HIF3A: variants seen among roughly 807,000 people sequenced by gnomAD.
HIF3A encodes the protein hypoxia inducible factor 3 subunit alpha.
Under a neutral mutation model 67.2 loss-of-function variants are expected in HIF3A, and 41 were observed. The observed-to-expected ratio is 0.61, with a 90% CI of 0.48 to 0.79. The LOEUF is 0.79. HIF3A is among the 30% of genes least tolerant of loss of function. The pLI is 0.00. For missense variants in HIF3A, 855 were observed against 898.0 expected (o/e 0.95, Z 0.61); for synonymous variants, 356 against 374.8 (o/e 0.95, Z 0.58).
intron 13 of HIF3A, 150 bp from the exon 14 acceptor site, chr19:46,334,755 C>A: frequency 1.8e-6 from 1 of 550,314 alleles, no homozygotes. Context: ...CTATCTTGCC[C>A]AGGCTGGTCT....
At position 46,332,259 on chromosome 19, in the gene HIF3A, C is replaced by T. The variant is rs186992348; in HGVS notation, c.1830+986C>T. On this transcript the variant is annotated intron_variant, in intron 13 of 14. Coordinates refer to ENST00000377670, the MANE Select transcript of HIF3A (RefSeq NM_152795.4). ...TACAAAAACAAACCAAAGGGCCGGG[C>T]GCTGTGGCTCACGCCTATATTCCTA... Among the ~76,000 whole-genome samples the T allele has an allele frequency of 1.8e-3, 271 of 152,152 alleles. 1 individual carries two copies. The highest frequency in any genetic ancestry group is 5.8e-3 in the African/African-American group (239 of 41,514).
intron 1 of HIF3A, among the ~76,000 whole-genome samples, chr19:46,298,976 C>T (rs1968097625): frequency 6.6e-6 from 1 of 152,240 alleles, no homozygotes; most frequent in African/African-American, 2.4e-5. Flanking sequence ...TTTTATTATG[C>T]CTTCCTCATG....
In HIF3A at chr19:46,297,706, G is replaced by A. The variant is rs1967969095; in HGVS notation, c.26+604G>A. Among the ~76,000 whole-genome samples, 1 of 152,000 alleles carries A rather than the reference G, an allele frequency of 6.6e-6. No homozygotes were observed. The highest frequency in any genetic ancestry group is 2.1e-4 in the South Asian group (1 of 4,828). ...AATGGGCAGAGGGGAGCCCCTTTCA[G>A]AAGCCGTCTGGGACCCTTCCCAAGA... On this transcript the variant is annotated intron_variant, in intron 1 of 14. Coordinates refer to ENST00000377670, the MANE Select transcript of HIF3A (RefSeq NM_152795.4). This position sits in a 1 kb window ranked among gnomAD's most constrained non-coding sequence, Gnocchi z 4.5.
intron 1 of HIF3A, among the ~76,000 whole-genome samples, chr19:46,300,159 G>C (rs1289976272): frequency 2.6e-5 from 4 of 152,140 alleles, no homozygotes; most frequent in Non-Finnish European, 4.4e-5. Flanking sequence ...CTCTAGCTCC[G>C]TGAGTGTTCA....
At chr19:46,327,461 GC>G (rs1970873762) in intron 11 of HIF3A, among the ~76,000 whole-genome samples, 2 of 152,002 alleles carry the variant, frequency 1.3e-5, no homozygotes, top group Admixed American at 6.6e-5. Context: ...GACTACAGGT[GC>G]CCACTACCAT....
intron 1 of HIF3A, among the ~76,000 whole-genome samples, chr19:46,300,627 C>T (rs997118950): frequency 6.6e-6 from 1 of 152,214 alleles, no homozygotes; most frequent in African/African-American, 2.4e-5. Context: ...AGCCACTGCA[C>T]TCCAGCCTGG....
intron 6 of HIF3A, among the ~76,000 whole-genome samples, chr19:46,311,652 G>A (rs921939401): frequency 6.6e-6 from 1 of 151,992 alleles, no homozygotes; most frequent in African/African-American, 2.4e-5. Context: ...ATTGAGCCTG[G>A]GAGTTCAAGA....
At chr19:46,331,416 C>G (rs1267982566) in intron 13 of HIF3A, 143 bp downstream of exon 13, 1 of 533,436 alleles carries the variant, frequency 1.9e-6, no homozygotes, top group Non-Finnish European at 3.5e-6. Context: ...AGACTAAAGC[C>G]TGATCTTCTA....
rs755711006 is a variant in HIF3A at position 46,305,176 on chromosome 19, C to A, written c.218-69C>A. 1.9e-5 allele frequency: 31 copies of A among 1,608,504 alleles called. No individual in the cohort carries two copies. The Admixed American group carries it at 5.2e-4, about 27-fold the overall frequency. ...TGAGGAAAGGCAGAGGGAGGCTAGC[C>A]CAGGGTCAGTCCATAATTCAGACCA... On this transcript the variant is annotated intron_variant, in intron 2 of 14. Transcript: ENST00000377670.
chr19:46,312,199 T>A lies in HIF3A; in HGVS notation c.809T>A (p.Ile270Asn). The change falls in exon 7 of 15, where the codon ATC becomes AAC. Residue 270 changes from isoleucine (I) to asparagine (N), a missense_variant. Physicochemically the swap from Ile to Asn is moderately radical, Grantham distance 149 (BLOSUM62 -3). This residue lies in a region of HIF3A where 638 missense variants were observed against 660.5 expected (regional missense o/e 0.97). Coordinates refer to ENST00000377670, the MANE Select transcript of HIF3A (RefSeq NM_152795.4). ...GCTGGCTATAGTCCCGATGACCTGA[T>A]CGGCTGTTCCGCCTACGAGTACATC... Reference protein sequence around the residue: ...EVAGYSPDDLIGCSAYEYIHA... With the variant: ...EVAGYSPDDLNGCSAYEYIHA... 6.2e-7 allele frequency: 1 copy of A among 1,614,082 alleles called. No individual in the cohort carries two copies. The highest frequency in any genetic ancestry group is 8.5e-7 in the Non-Finnish European group (1 of 1,180,014).
Position 46,342,644 on chromosome 19 carries a change from A to G in HIF3A, c.*3022A>G, listed in dbSNP as rs1182732972. 6.6e-6 allele frequency: 1 copy of G among 152,148 alleles called. No individual in the cohort carries two copies. The highest frequency in any genetic ancestry group is 1.5e-5 in the Non-Finnish European group (1 of 68,038). The allele number at this position is 152,148 out of a possible 1,614,324, so 9.4% of individuals were successfully genotyped here. A position where few individuals can be genotyped will look rare whatever the true frequency, so the allele number is the denominator to read the frequency against. On this transcript the variant is annotated 3_prime_UTR_variant, in exon 15 of 15. Coordinates refer to ENST00000377670, the MANE Select transcript of HIF3A (RefSeq NM_152795.4). ...CCAAATTCCTCTGATTCTATAATTC[A>G]GCCTCCAAATGCTTCTGATTCTGGA... is the stretch of plus-strand genomic sequence containing the variant.
Position 46,312,525 on chromosome 19 carries a change from A to G in HIF3A, c.897A>G (p.Ala299=). 1 of 1,614,042 alleles carries G rather than the reference A, an allele frequency of 6.2e-7. No homozygotes were observed. Among genetic ancestry groups the G allele is most frequent in the Non-Finnish European group, 8.5e-7 (1 of 1,180,016 alleles). ...CCTCAGTGCTGAGCAAGGGCCAGGC[A>G]GTAACAGGGCAGTATCGCTTCCTGG... ...SIHTLLSKGQ[A]VTGQYRFLAR... Residue 299 remains alanine, a synonymous_variant, in exon 8 of 15, where the codon GCA becomes GCG. Transcript: ENST00000377670.
chr19:46,327,175 TAA>T (rs1382339084), intron 11 of HIF3A, among the ~76,000 whole-genome samples: 3 of 149,172 alleles, frequency 2.0e-5, no homozygotes, highest in African/African-American at 7.7e-5. Flanking sequence ...TATATATATA[TAA>T]AAATAGAGAC....
In HIF3A at chr19:46,325,562, G is replaced by A; in HGVS notation, c.1363G>A (p.Gly455Ser). 6.2e-7 allele frequency: 1 copy of A among 1,613,238 alleles called. No individual in the cohort carries two copies. Among genetic ancestry groups the A allele is most frequent in the Non-Finnish European group, 8.5e-7 (1 of 1,179,868 alleles). The change falls in exon 11 of 15, where the codon GGC (glycine) becomes AGC (serine). Residue 455 changes from glycine (G) to serine (S), a missense_variant. Around this residue, in one of 3 missense-constraint regions of HIF3A, gnomAD observed 638 missense variants for 660.5 expected, o/e 0.97. Coordinates refer to ENST00000377670, the MANE Select transcript of HIF3A (RefSeq NM_152795.4). ...SADLPDELPVGTENVHRLFTS... is the reference protein window; with the variant it reads ...SADLPDELPVSTENVHRLFTS... ...TGATCTCCCAGATGAACTACCTGTGGGCACCGAGAATGTGCACAGACTCTT... is the reference window on the plus strand; with the variant it reads ...TGATCTCCCAGATGAACTACCTGTGAGCACCGAGAATGTGCACAGACTCTT...
chr19:46,332,782 A>G (rs943168940), intron 13 of HIF3A, among the ~76,000 whole-genome samples: 20 of 152,078 alleles, frequency 1.3e-4, no homozygotes, highest in Non-Finnish European at 2.4e-4. Context: ...TCTGGAGTTC[A>G]AGTCCAGCCT....
rs545993355 is a variant in HIF3A, at chr19:46,330,776, G to A, written c.1713-380G>A. On this transcript the variant is annotated intron_variant, in intron 12 of 14. Transcript: ENST00000377670. ...GGCAGATGGATGGATGGGTGGATCAGTGGATGGATGGATGGATGGATGGAT... is the reference window on the plus strand; with the variant it reads ...GGCAGATGGATGGATGGGTGGATCAATGGATGGATGGATGGATGGATGGAT... Among the ~76,000 whole-genome samples the A allele has an allele frequency of 4.5e-3, 648 of 145,194 alleles. 4 individuals carry two copies. Among genetic ancestry groups the A allele is most frequent in the African/African-American group, 0.015 (592 of 38,990 alleles).
chr19:46,300,999 GCT>G (rs1968279755), intron 1 of HIF3A, among the ~76,000 whole-genome samples: 2 of 151,972 alleles, frequency 1.3e-5, no homozygotes, highest in African/African-American at 4.8e-5. Flanking sequence ...CGGGCCCCCA[GCT>G]CCGTGAGGCC....
Position 46,320,523 on chromosome 19 carries a change from C to A in HIF3A, c.1106C>A (p.Pro369His), listed in dbSNP as rs765300714. 6.2e-7 allele frequency: 1 copy of A among 1,614,134 alleles called. No individual in the cohort carries two copies. Among genetic ancestry groups the A allele is most frequent in the African/African-American group, 1.3e-5 (1 of 75,060 alleles). Residue 369 changes from proline (P) to histidine (H), a missense_variant, in exon 9 of 15, where the codon CCC becomes CAC. Transcript: ENST00000377670. ...CGCAGACCCATTCAGCGGGGCGCCC[C>A]CTCTCAGAAGGACACCCCTAACCCT... ...HSRRPIQRGA[P>H]SQKDTPNPGD...
chr19:46,310,366 G>C (rs556294676), intron 6 of HIF3A, among the ~76,000 whole-genome samples: 2 of 152,338 alleles, frequency 1.3e-5, no homozygotes, highest in South Asian at 4.2e-4. Flanking sequence ...TTGCACTCCA[G>C]CCTGGGCAAC....
Sources: gnomAD v4.1 joint callset for allele counts (sites outside exome capture counted in the v4.1 genomes callset) on GRCh38, gnomAD v4.1.1 for gene constraint, gnomAD v4.1.1 regional missense constraint, Gnocchi (gnomAD v3.1) non-coding constraint, MANE v1.5 for transcripts, NCBI Gene and HGNC (gene_info 2026-07-23, HGNC 2026-07-21) for gene names.